The following DLG2 variants were observed in gnomAD, a reference collection of about 807,000 sequenced individuals.
DLG2 encodes the protein discs large MAGUK scaffold protein 2, also known as disks large homolog 2.
In DLG2, 45 loss-of-function variants were observed where a neutral mutation model predicts 132.5. The ratio of observed to expected loss-of-function variants is 0.34; its 90% CI spans 0.27 to 0.44. The LOEUF is 0.44. DLG2 is among the 20% of genes least tolerant of loss of function. The probability of loss-of-function intolerance (pLI) is 1.00; values close to 1 mark genes in which losing one functional copy is unlikely to be tolerated. For missense variants in DLG2, 1,045 were observed against 1,196.9 expected, an observed-to-expected ratio of 0.87 and a Z score of 1.87; for synonymous variants, 424 against 419.6, an observed-to-expected ratio of 1.01 and a Z score of -0.13.
intron 6 of DLG2, among the ~76,000 whole-genome samples, chr11:84,784,369 T>TAAA (rs200692059): frequency 0.049 from 7,369 of 148,902 alleles, 250 homozygotes; most frequent in Non-Finnish European, 0.075. Context: ...AATAAATAAA[T>TAAA]TAAACAAGAG....
At chr11:84,713,582 C>T (rs1286212311) in intron 6 of DLG2, among the ~76,000 whole-genome samples, 3 of 152,168 alleles carry the variant, frequency 2.0e-5, no homozygotes, top group East Asian at 1.9e-4. Flanking sequence ...CAAAGTCTAA[C>T]AGAGTTTTAA....
intron 16 of DLG2, among the ~76,000 whole-genome samples, chr11:83,848,252 C>T (rs1416746155): frequency 6.6e-6 from 1 of 151,978 alleles, no homozygotes; most frequent in African/African-American, 2.4e-5. Flanking sequence ...AACTACAACC[C>T]CCTTGGGCCT....
At chr11:85,021,026 C>G in intron 6 of DLG2, 1 of 772,942 alleles carries the variant, frequency 1.3e-6, no homozygotes, top group South Asian at 1.3e-5. Flanking sequence ...CTTGTTTGTT[C>G]TGTTCCTTTT....
At chr11:84,277,938 A>G (rs1387107608) in intron 7 of DLG2, among the ~76,000 whole-genome samples, 1 of 151,942 alleles carries the variant, frequency 6.6e-6, no homozygotes, top group Non-Finnish European at 1.5e-5. Flanking sequence ...ATTTATTCTT[A>G]TAGACAGTCT....
intron 18 of DLG2, among the ~76,000 whole-genome samples, chr11:83,673,104 C>T (rs865936859): frequency 6.6e-6 from 1 of 152,252 alleles, no homozygotes; most frequent in East Asian, 1.9e-4. Context: ...AAAAAAAACT[C>T]TCTGTGAGGT....
At chr11:84,399,544 G>GCCT (rs781768580) in intron 7 of DLG2, among the ~76,000 whole-genome samples, 3 of 152,098 alleles carry the variant, frequency 2.0e-5, no homozygotes, top group Non-Finnish European at 4.4e-5. Flanking sequence ...TCCTGCCTCA[G>GCCT]CCTCACGAGT....
At chr11:83,689,986 T>G in intron 18 of DLG2, among the ~76,000 whole-genome samples, 1 of 133,704 alleles carries the variant, frequency 7.5e-6, no homozygotes, top group Non-Finnish European at 1.6e-5. Flanking sequence ...TATAATATAT[T>G]TATTATAATA....
chr11:84,101,382 C>G (rs116096847), intron 9 of DLG2, among the ~76,000 whole-genome samples: 18 of 152,142 alleles, frequency 1.2e-4, no homozygotes, highest in Middle Eastern at 3.4e-3. Flanking sequence ...GCAGAGTGTA[C>G]GAGAAACCAT....
intron 6 of DLG2, among the ~76,000 whole-genome samples, chr11:84,970,823 A>G (rs537573277): frequency 1.1e-4 from 17 of 152,246 alleles, no homozygotes; most frequent in African/African-American, 4.1e-4. Flanking sequence ...ATTTAGCAAA[A>G]TATTAACTAT....
intron 26 of DLG2, among the ~76,000 whole-genome samples, chr11:83,464,171 G>A (rs1423196065): frequency 2.0e-5 from 3 of 152,180 alleles, no homozygotes; most frequent in African/African-American, 7.2e-5. Context: ...AAGGGAGATT[G>A]CCACATGGAA....
intron 6 of DLG2, among the ~76,000 whole-genome samples, chr11:84,951,530 G>T (rs563122699): frequency 1.1e-4 from 16 of 151,338 alleles, no homozygotes; most frequent in Non-Finnish European, 2.1e-4. Context: ...TATAAATACC[G>T]ACGAGCATTA....
intron 7 of DLG2, among the ~76,000 whole-genome samples, chr11:84,302,566 A>G (rs1047285736): frequency 3.0e-4 from 46 of 152,298 alleles, no homozygotes; most frequent in Admixed American, 2.0e-3. Flanking sequence ...ACATATACAG[A>G]GACAGATAAA....
chr11:83,666,772 G>T (rs1218274467), intron 18 of DLG2, among the ~76,000 whole-genome samples: 7 of 152,202 alleles, frequency 4.6e-5, no homozygotes, highest in African/African-American at 7.2e-5. Context: ...ACCCAAGAGA[G>T]GTCCCATGAC....
intron 15 of DLG2, among the ~76,000 whole-genome samples, chr11:83,914,909 A>G (rs932462886): frequency 6.6e-6 from 1 of 152,128 alleles, no homozygotes; most frequent in Non-Finnish European, 1.5e-5. Flanking sequence ...TTAAAATCAG[A>G]TCTGTGGGTG....
intron 18 of DLG2, among the ~76,000 whole-genome samples, chr11:83,775,216 C>G (rs1167859396): frequency 6.6e-6 from 1 of 152,194 alleles, no homozygotes; most frequent in Admixed American, 6.5e-5. Flanking sequence ...ATATCCCTCT[C>G]CTGGCATCTT....
At chr11:85,159,575 G>C (rs554851385) in intron 4 of DLG2, among the ~76,000 whole-genome samples, 2 of 152,310 alleles carry the variant, frequency 1.3e-5, no homozygotes, top group Admixed American at 1.3e-4. Flanking sequence ...GAAGACAGTT[G>C]GATCTTGGAG....
chr11:85,378,776 C>T (rs902709586), intron 3 of DLG2, among the ~76,000 whole-genome samples: 2 of 152,058 alleles, frequency 1.3e-5, no homozygotes, highest in East Asian at 1.9e-4. Flanking sequence ...TAAAACCACA[C>T]CAAAATGGCA....
rs1180144764 is a variant in DLG2, at chr11:84,099,801, G to GGATATATATATCTAAAGA, written c.625-772_625-755dup. 1.3e-4 allele frequency among the ~76,000 whole-genome samples: 16 copies of GGATATATATATCTAAAGA among 121,520 alleles called. 5 individuals are homozygous for GGATATATATATCTAAAGA. The highest frequency in any genetic ancestry group is 5.1e-4 in the South Asian group (2 of 3,920). The allele number at this position is 121,520 out of a possible 152,430, so 79.7% of individuals were successfully genotyped here. A position where few individuals can be genotyped will look rare whatever the true frequency, so the allele number is the denominator to read the frequency against. On this transcript the variant is annotated intron_variant, in intron 9 of 27. Coordinates refer to ENST00000376104, the MANE Select transcript of DLG2 (RefSeq NM_001142699.3). The stretch of plus-strand genomic sequence containing the variant: ...TCGCTTTCTAAAGATATATATATAA[G>GGATATATATATCTAAAGA]GATATATATATCTAAAGAGATATAT...
intron 3 of DLG2, among the ~76,000 whole-genome samples, chr11:85,427,786 T>A (rs2090875543): frequency 6.6e-6 from 1 of 152,184 alleles, no homozygotes; most frequent in Non-Finnish European, 1.5e-5. Context: ...CTATTAACTT[T>A]AAATGTAAAT....
Sources: gnomAD v4.1 joint callset for allele counts (sites outside exome capture counted in the v4.1 genomes callset) on GRCh38, gnomAD v4.1.1 for gene constraint, MANE v1.5 for transcripts, NCBI Gene and HGNC (gene_info 2026-07-23, HGNC 2026-07-21) for gene names.